SUN3: variants seen among roughly 807,000 people sequenced by gnomAD.
SUN3 encodes the protein SUN domain-containing protein 3.
A neutral mutation model predicts 48.2 loss-of-function variants in SUN3; 36 were observed. The observed-to-expected ratio is 0.75, with a 90% CI of 0.57 to 0.99. The LOEUF is 0.99. Among genes scored for constraint, SUN3 ranks in the 50% least tolerant of loss-of-function variants. SUN3 has a pLI of 0.00. For missense variants in SUN3, 419 were observed against 433.1 expected (o/e 0.97, Z 0.29); for synonymous variants, 148 against 147.9 (o/e 1.00, Z 0.00).
At chr7:48,032,008 A>T (rs1188786732), upstream of SUN3, among the ~76,000 whole-genome samples, 1 of 152,226 alleles carries the variant, frequency 6.6e-6, no homozygotes, top group African/African-American at 2.4e-5. Flanking sequence ...CCAGACACAG[A>T]TAGGTGAATA....
At chr7:48,019,977 C>CAAAAAAAAAAAAAAAAAAAAAAACAAAA (rs1789942038) in intron 2 of SUN3, among the ~76,000 whole-genome samples, 1 of 64,142 alleles carries the variant, frequency 1.6e-5, no homozygotes, top group Admixed American at 1.9e-4. Flanking sequence ...AAAGACACAT[C>CAAAAAAAAAAAAAAAAAAAAAAACAAAA]AAAAAAAAAA....
chr7:47,996,157 A>G lies in SUN3; in HGVS notation c.578-11T>C. 7.0e-7 allele frequency: 1 copy of G among 1,420,686 alleles called. No homozygotes were observed. The highest frequency in any genetic ancestry group is 1.8e-4 in the Middle Eastern group (1 of 5,640). 88.0% of individuals were successfully genotyped at this position (1,420,686 alleles called of 1,614,324 possible). ...CAATGATGGAGGCTCCTAAAATTAT[A>G]AAGTAAGTTGTAAAATAAAGAAACA... is the stretch of plus-strand genomic sequence containing the variant. On this transcript the variant is annotated splice_polypyrimidine_tract_variant and intron_variant, in intron 6 of 9. Coordinates refer to ENST00000297325, the MANE Select transcript of SUN3 (RefSeq NM_001030019.2).
Position 48,025,947 on chromosome 7 carries a change from A to G in SUN3, c.123-9T>C. 1.3e-6 allele frequency: 2 copies of G among 1,572,510 alleles called. No homozygotes were observed. Among genetic ancestry groups the G allele is most frequent in the Non-Finnish European group, 1.7e-6 (2 of 1,148,086 alleles). ...TCCATGATCGAGTTACCCTAAAAGA[A>G]TAAAAACAATGATTAGAAAAAGAAT... On this transcript the variant is annotated splice_polypyrimidine_tract_variant and intron_variant, in intron 1 of 9. Coordinates refer to ENST00000297325, the MANE Select transcript of SUN3 (RefSeq NM_001030019.2).
At chr7:48,006,590 G>C (rs529707163) in intron 5 of SUN3, among the ~76,000 whole-genome samples, 3 of 152,158 alleles carry the variant, frequency 2.0e-5, no homozygotes, top group African/African-American at 4.8e-5. Context: ...CTAAGCAGGC[G>C]TAACAGTTCA....
At chr7:48,004,435 C>T (rs1789469275) in intron 6 of SUN3, among the ~76,000 whole-genome samples, 2 of 152,204 alleles carry the variant, frequency 1.3e-5, no homozygotes. Context: ...ACCTTTACTA[C>T]AGGCCTGTCA....
upstream of SUN3, among the ~76,000 whole-genome samples, chr7:48,030,098 T>A (rs757214137): frequency 6.6e-6 from 1 of 152,218 alleles, no homozygotes; most frequent in Non-Finnish European, 1.5e-5. Flanking sequence ...ACTGCCTCAA[T>A]TTTCTTAGAA....
rs1480125288 is a variant in SUN3, at chr7:48,028,812, C to A, written c.122+5G>T. 9 of 1,613,564 alleles carry A rather than the reference C, an allele frequency of 5.6e-6. No homozygotes were observed. The highest frequency in any genetic ancestry group is 6.8e-6 in the Non-Finnish European group (8 of 1,179,626). Reference sequence around the variant, plus strand: ...CAGGCACACCGTTCTGCCATGTTTACCTACCCATTCGCATCAGGATTTTCG... The same window carrying A: ...CAGGCACACCGTTCTGCCATGTTTAACTACCCATTCGCATCAGGATTTTCG... On this transcript the variant is annotated splice_donor_5th_base_variant and intron_variant, in intron 1 of 9. Transcript: ENST00000297325.
intron 2 of SUN3, among the ~76,000 whole-genome samples, chr7:48,019,927 A>G (rs1052312634): frequency 2.0e-5 from 3 of 148,358 alleles, no homozygotes; most frequent in Middle Eastern, 6.9e-3. Context: ...TTCTAAACTC[A>G]TTCTACAAGG....
At chr7:47,989,534 G>A (rs1347587977) in intron 8 of SUN3, among the ~76,000 whole-genome samples, 1 of 152,078 alleles carries the variant, frequency 6.6e-6, no homozygotes, top group Non-Finnish European at 1.5e-5. Flanking sequence ...TTTATTGTTA[G>A]GTTCCTTAAA....
At chr7:47,993,299 C>A (rs191171215) in intron 8 of SUN3, among the ~76,000 whole-genome samples, 1 of 152,180 alleles carries the variant, frequency 6.6e-6, no homozygotes, top group Admixed American at 6.5e-5. Context: ...GAATTCCAGT[C>A]TTAGGTATAC....
At chr7:48,010,439 C>A (rs1789652410) in intron 3 of SUN3, among the ~76,000 whole-genome samples, 1 of 152,156 alleles carries the variant, frequency 6.6e-6, no homozygotes, top group Non-Finnish European at 1.5e-5. Context: ...ATCTGGAACT[C>A]CCCTACCCTG....
At chr7:48,019,718 C>T (rs983027778) in intron 2 of SUN3, among the ~76,000 whole-genome samples, 1 of 151,750 alleles carries the variant, frequency 6.6e-6, no homozygotes, top group Admixed American at 6.6e-5. Context: ...ATACAACCTA[C>T]CAAGACTGAA....
intron 3 of SUN3, among the ~76,000 whole-genome samples, chr7:48,012,823 A>G (rs565168280): frequency 6.6e-6 from 1 of 152,354 alleles, no homozygotes; most frequent in Admixed American, 6.5e-5. Context: ...TGATTAAGTC[A>G]TGAAGGTACC....
rs367658982 is a variant in SUN3 at position 47,996,000 on chromosome 7, T to C, written c.693+31A>G. On this transcript the variant is annotated intron_variant, in intron 7 of 9. Coordinates refer to ENST00000297325, the MANE Select transcript of SUN3 (RefSeq NM_001030019.2). ...AAATAATAAGAACAAAATTCTAAAA[T>C]AGAAATAAGTGATTCTTAATTTAGC... 18 of 1,320,384 alleles carry C rather than the reference T, an allele frequency of 1.4e-5. No individual in the cohort carries two copies. The African/African-American group carries it at 2.3e-4, about 17-fold the overall frequency. 81.8% of individuals were successfully genotyped at this position (1,320,384 alleles called of 1,614,324 possible).
intron 3 of SUN3, among the ~76,000 whole-genome samples, chr7:48,011,277 G>A (rs1789675718): frequency 6.6e-6 from 1 of 152,106 alleles, no homozygotes; most frequent in African/African-American, 2.4e-5. Flanking sequence ...TTGCTTTTCT[G>A]TTACAAAGAC....
intron 2 of SUN3, among the ~76,000 whole-genome samples, chr7:48,018,207 G>T (rs965823934): frequency 6.6e-6 from 1 of 152,280 alleles, no homozygotes; most frequent in African/African-American, 2.4e-5. Flanking sequence ...CCAGCTTAGA[G>T]CCAAGCTGCA....
At chr7:48,005,858 C>G (rs1408921008) in intron 6 of SUN3, 111 bp downstream of exon 6, 16 of 549,580 alleles carry the variant, frequency 2.9e-5, no homozygotes, top group African/African-American at 8.2e-5. Flanking sequence ...TTTCCCCCCC[C>G]CAAGTTACCA....
intron 3 of SUN3, among the ~76,000 whole-genome samples, chr7:48,012,568 A>C (rs1789713399): frequency 6.6e-6 from 1 of 152,088 alleles, no homozygotes; most frequent in African/African-American, 2.4e-5. Flanking sequence ...AAACCATATA[A>C]CTTCAAGGTG....
upstream of SUN3, among the ~76,000 whole-genome samples, chr7:48,031,832 G>GCA (rs3073706): frequency 0.074 from 10,587 of 142,276 alleles, 396 homozygotes; most frequent in East Asian, 0.18. Context: ...TGTGATTTAT[G>GCA]CACACACACA....
Sources: gnomAD v4.1 joint callset for allele counts (sites outside exome capture counted in the v4.1 genomes callset) on GRCh38, gnomAD v4.1.1 for gene constraint, MANE v1.5 for transcripts, NCBI Gene and HGNC (gene_info 2026-07-23, HGNC 2026-07-21) for gene names.